The following CECR2 variants were observed in gnomAD, a reference collection of about 807,000 sequenced individuals.
CECR2 encodes the protein chromatin remodeling regulator CECR2.
A neutral mutation model predicts 154.5 loss-of-function variants in CECR2; 30 were observed. The ratio of observed to expected loss-of-function variants is 0.19; its 90% CI spans 0.15 to 0.26. The LOEUF (loss-of-function observed/expected upper bound fraction) is 0.26. Ranked by LOEUF, CECR2 falls within the 10% of genes least tolerant of loss-of-function variation. CECR2 has a pLI of 1.00. For missense variants in CECR2, 1,743 were observed against 1,829.3 expected, an observed-to-expected ratio of 0.95 and a Z score of 0.86; for synonymous variants, 725 against 683.7, an observed-to-expected ratio of 1.06 and a Z score of -0.94.
At chr22:17,494,000 G>A (rs5747204) in intron 2 of CECR2, among the ~76,000 whole-genome samples, 14,009 of 152,230 alleles carry the variant, frequency 0.092, 1,150 homozygotes, top group East Asian at 0.44. Flanking sequence ...GAAAGCATGC[G>A]GTAGATAAAG....
At position 17,510,963 on chromosome 22, in the gene CECR2, G is replaced by A. The variant is rs549631951; in HGVS notation, c.871-850G>A. Among the ~76,000 whole-genome samples, 11 of 152,168 alleles carry A rather than the reference G, an allele frequency of 7.2e-5. No individual in the cohort carries two copies. In the South Asian group the frequency reaches 8.3e-4, roughly 12 times the overall value. On this transcript the variant is annotated intron_variant, in intron 7 of 18. Transcript: ENST00000262608. ...ACTAAATGTACCCCCGTGGCTTTGCGGTATGTTTAAGTTGTATAAACCACC... is the reference window on the plus strand; with the variant it reads ...ACTAAATGTACCCCCGTGGCTTTGCAGTATGTTTAAGTTGTATAAACCACC...
At chr22:17,441,065 C>T (rs1466379149) in intron 1 of CECR2, among the ~76,000 whole-genome samples, 1 of 152,086 alleles carries the variant, frequency 6.6e-6, no homozygotes, top group African/African-American at 2.4e-5. Flanking sequence ...TGTCCTGCCA[C>T]AGCCTCCAGA....
intron 1 of CECR2, among the ~76,000 whole-genome samples, chr22:17,377,036 C>T (rs1489736013): frequency 6.6e-6 from 1 of 152,114 alleles, no homozygotes; most frequent in African/African-American, 2.4e-5. Flanking sequence ...TTTCAGGTGC[C>T]CCATCTATAG....
chr22:17,510,354 C>T (rs1295187322), intron 7 of CECR2, among the ~76,000 whole-genome samples: 1 of 152,016 alleles, frequency 6.6e-6, no homozygotes, highest in Non-Finnish European at 1.5e-5. Flanking sequence ...ATCGCTATCT[C>T]AGTGCTTTGG....
At chr22:17,437,370 G>A (rs5746379) in intron 1 of CECR2, among the ~76,000 whole-genome samples, 19,078 of 152,014 alleles carry the variant, frequency 0.13, 1,383 homozygotes, top group South Asian at 0.25. Flanking sequence ...CCACAGGATC[G>A]GCCAGCTTAG....
intron 1 of CECR2, among the ~76,000 whole-genome samples, chr22:17,400,440 T>C (rs1469396171): frequency 6.6e-6 from 1 of 152,130 alleles, no homozygotes; most frequent in African/African-American, 2.4e-5. Context: ...TGCTGGGTGT[T>C]GAATAAGGTT....
chr22:17,385,974 T>A (rs767262627), intron 1 of CECR2, among the ~76,000 whole-genome samples: 1 of 152,186 alleles, frequency 6.6e-6, no homozygotes, highest in Non-Finnish European at 1.5e-5. Context: ...TGGCTGCGAA[T>A]GATGGAATAA....
Position 17,552,787 on chromosome 22 carries a change from T to TTTTTTTTTA in CECR2, c.4390-48_4390-47insTTTTTTTTA. ...TGGCTTACTTAAGTTTTTTTTTTTT[T>TTTTTTTTTA]AACAACCCAATTTTTATTTTTGTTT... On this transcript the variant is annotated intron_variant, in intron 18 of 18. Coordinates refer to ENST00000262608, the MANE Select transcript of CECR2 (RefSeq NM_001290047.2). 4 of 1,391,184 alleles carry TTTTTTTTTA rather than the reference T, an allele frequency of 2.9e-6. No individual in the cohort carries two copies. The East Asian group carries it at 7.5e-5, about 26-fold the overall frequency. 86.2% of individuals were successfully genotyped at this position (1,391,184 alleles called of 1,614,324 possible).
At chr22:17,477,169 A>G (rs1159136221) in intron 1 of CECR2, 3 of 720,666 alleles carry the variant, frequency 4.2e-6, no homozygotes, top group Non-Finnish European at 7.8e-6. Context: ...GGTTGAGTAA[A>G]TGACAAATGT....
chr22:17,475,150 CTT>C (rs777302258), intron 1 of CECR2, among the ~76,000 whole-genome samples: 6 of 152,242 alleles, frequency 3.9e-5, no homozygotes, highest in African/African-American at 9.6e-5. Context: ...GCTGGGAAGA[CTT>C]TGCAGATAAA....
chr22:17,537,750 T>C (rs1747802554), intron 10 of CECR2, among the ~76,000 whole-genome samples: 3 of 152,284 alleles, frequency 2.0e-5, no homozygotes, highest in South Asian at 4.1e-4. Context: ...CCCAGCACTT[T>C]GGGAGGCTGA....
rs2056714274 is a variant in CECR2 at position 17,551,936 on chromosome 22, G to A, written c.4278-95G>A. 3.5e-6 allele frequency: 4 copies of A among 1,147,250 alleles called. No individual in the cohort carries two copies. In the South Asian group the frequency reaches 4.0e-5, roughly 11 times the overall value. 71.1% of individuals were successfully genotyped at this position (1,147,250 alleles called of 1,614,324 possible). A position where few individuals can be genotyped will look rare whatever the true frequency, so the allele number is the denominator to read the frequency against. On this transcript the variant is annotated intron_variant, in intron 17 of 18. Transcript: ENST00000262608. ...TGATTCCAGGCCTGATCACCGGGGT[G>A]ATGAAGGCAGTACCCTCGTGACTAC... is the stretch of plus-strand genomic sequence containing the variant.
chr22:17,498,993 AT>A (rs1023745482), intron 3 of CECR2, among the ~76,000 whole-genome samples: 1 of 151,608 alleles, frequency 6.6e-6, no homozygotes, highest in Non-Finnish European at 1.5e-5. Context: ...TTATTTATTT[AT>A]TTATTTATTG....
chr22:17,532,580 C>T (rs1296788), intron 9 of CECR2, among the ~76,000 whole-genome samples: 3 of 150,836 alleles, frequency 2.0e-5, no homozygotes, highest in Admixed American at 1.3e-4. Context: ...GTGTCTACAA[C>T]GAAAAATACA....
chr22:17,483,928 C>T (rs1182984085), intron 2 of CECR2, among the ~76,000 whole-genome samples: 1 of 152,164 alleles, frequency 6.6e-6, no homozygotes, highest in African/African-American at 2.4e-5. Context: ...TGTACCATGT[C>T]CTTACTATAC....
chr22:17,552,787 T>TTTTTTTA lies in CECR2; in HGVS notation c.4390-48_4390-47insTTTTTTA, dbSNP rs869194450. 99 of 1,392,094 alleles carry TTTTTTTA rather than the reference T, an allele frequency of 7.1e-5. 1 individual carries two copies. The East Asian group carries it at 1.9e-3, about 26-fold the overall frequency. The allele number at this position is 1,392,094 out of a possible 1,614,324, so 86.2% of individuals were successfully genotyped here. On this transcript the variant is annotated intron_variant, in intron 18 of 18. Coordinates refer to ENST00000262608, the MANE Select transcript of CECR2 (RefSeq NM_001290047.2). ...TGGCTTACTTAAGTTTTTTTTTTTTTAACAACCCAATTTTTATTTTTGTTT... is the reference window on the plus strand; with the variant it reads ...TGGCTTACTTAAGTTTTTTTTTTTTTTTTTTTAAACAACCCAATTTTTATTTTTGTTT...
At chr22:17,536,999 C>T (rs1004520983) in intron 9 of CECR2, 104 bp from the exon 10 acceptor site, 2 of 1,403,798 alleles carry the variant, frequency 1.4e-6, no homozygotes, top group African/African-American at 1.4e-5. Flanking sequence ...CTTCATAATC[C>T]TGCTTTGGTG....
At chr22:17,453,690 G>A (rs1402308216) in intron 1 of CECR2, among the ~76,000 whole-genome samples, 1 of 151,968 alleles carries the variant, frequency 6.6e-6, no homozygotes, top group Non-Finnish European at 1.5e-5. Context: ...ATTATATTTT[G>A]GTTTTAGAAA....
chr22:17,550,113 T>G (rs2056685979), intron 17 of CECR2: 1 of 151,822 alleles, frequency 6.6e-6, no homozygotes, highest in Non-Finnish European at 1.5e-5. Flanking sequence ...ATGACTGACT[T>G]AGATTTTGAT....
Sources: allele counts gnomAD v4.1 joint callset (sites outside exome capture counted in the v4.1 genomes callset), GRCh38; gene constraint gnomAD v4.1.1; transcripts MANE v1.5; gene names NCBI Gene and HGNC (gene_info 2026-07-23, HGNC 2026-07-21).